The following COL15A1 variants were observed in gnomAD, a reference collection of about 807,000 sequenced individuals.
COL15A1 encodes the protein collagen alpha-1(XV) chain.
In COL15A1, 111 loss-of-function variants were observed where a neutral mutation model predicts 165.9. The ratio of observed to expected loss-of-function variants is 0.67; its 90% CI spans 0.57 to 0.78. COL15A1 has a LOEUF of 0.78. Among genes scored for constraint, COL15A1 ranks in the 30% least tolerant of loss-of-function variants. The probability of loss-of-function intolerance (pLI) is 0.00; values close to 1 mark genes in which losing one functional copy is unlikely to be tolerated. For missense variants in COL15A1, 1,745 were observed against 1,789.7 expected (o/e 0.98, Z 0.45); for synonymous variants, 659 against 674.8 (o/e 0.98, Z 0.36).
In COL15A1 at chr9:98,987,278, C is replaced by T. The variant is rs370493621; in HGVS notation, c.649-16C>T. On this transcript the variant is annotated splice_polypyrimidine_tract_variant and intron_variant, in intron 3 of 41. Coordinates refer to ENST00000375001, the MANE Select transcript of COL15A1 (RefSeq NM_001855.5). ...TACGTGCAAACCGTGGCTTCTGATC[C>T]GTCTCTTTTCCCCAGGGCTCCCTCC... is the stretch of plus-strand genomic sequence containing the variant. 160 of 1,611,616 alleles carry T rather than the reference C, an allele frequency of 9.9e-5. No homozygotes were observed. Among genetic ancestry groups the T allele is most frequent in the African/African-American group, 1.2e-4 (9 of 74,796 alleles).
chr9:99,011,026 A>G (rs1838840314), intron 9 of COL15A1, among the ~76,000 whole-genome samples: 1 of 152,218 alleles, frequency 6.6e-6, no homozygotes, highest in South Asian at 2.1e-4. Context: ...ACCAGAGGAA[A>G]AAAAATCTTA....
Position 98,985,861 on chromosome 9 carries a change from C to A in COL15A1, c.397C>A (p.Arg133=), listed in dbSNP as rs200391843. The A allele has an allele frequency of 1.1e-4, 184 of 1,613,728 alleles. 3 individuals are homozygous for A. The Admixed American group carries it at 3.0e-3, about 26-fold the overall frequency. ...RLSGVEDGHQ[R]IILYYTEPGS... ...CTCAGGTGTGGAGGACGGCCACCAGCGGATCATCCTCTACTACACGGAGCC... is the reference window on the plus strand; with the variant it reads ...CTCAGGTGTGGAGGACGGCCACCAGAGGATCATCCTCTACTACACGGAGCC... The change falls in exon 3 of 42, where the codon CGG becomes AGG. Residue 133 remains arginine (R), a synonymous_variant. Coordinates refer to ENST00000375001, the MANE Select transcript of COL15A1 (RefSeq NM_001855.5).
At position 99,004,995 on chromosome 9, in the gene COL15A1, C is replaced by T. The variant is rs147872746; in HGVS notation, c.1298C>T (p.Pro433Leu). ...GAAGTGGAGGCCAGTGGTGTGGCCC[C>T]CGGGGAGCTGGACCTCTCCATGTCC... ...PGEVEASGVAPGELDLSMSAQ... is the reference protein window; with the variant it reads ...PGEVEASGVALGELDLSMSAQ... The change falls in exon 9 of 42, where the codon CCC becomes CTC. Residue 433 changes from proline (P) to leucine (L), a missense_variant. Coordinates refer to ENST00000375001, the MANE Select transcript of COL15A1 (RefSeq NM_001855.5). 21 of 1,613,728 alleles carry T rather than the reference C, an allele frequency of 1.3e-5. No individual in the cohort carries two copies. Among genetic ancestry groups the T allele is most frequent in the Middle Eastern group, 1.6e-4 (1 of 6,078 alleles).
chr9:99,069,835 G>C lies in COL15A1; in HGVS notation c.4116G>C (p.Arg1372=). 6.2e-7 allele frequency: 1 copy of C among 1,614,150 alleles called. No homozygotes were observed. The highest frequency in any genetic ancestry group is 8.5e-7 in the Non-Finnish European group (1 of 1,179,970). The part of the protein sequence containing the change: ...LDQKAYSCAN[R]LIVLCIENSF... ...AGAAAGCATACAGCTGTGCTAATCG[G>C]CTAATTGTCCTATGTATCGAAAACA... The change falls in exon 42 of 42, where the codon CGG becomes CGC. Residue 1372 remains arginine, a synonymous_variant. Coordinates refer to ENST00000375001, the MANE Select transcript of COL15A1 (RefSeq NM_001855.5).
In COL15A1 at chr9:99,055,280, G is replaced by A. The variant is rs765197360; in HGVS notation, c.3100G>A (p.Gly1034Arg). The change falls in exon 34 of 42, where the codon GGG (glycine) becomes AGG (arginine). Residue 1034 changes from glycine (G) to arginine (R), a missense_variant. Physicochemically the swap from Gly to Arg is moderately radical, Grantham distance 125. Coordinates refer to ENST00000375001, the MANE Select transcript of COL15A1 (RefSeq NM_001855.5). ...CTTCCAGGGGGAGAATGGAGACAAG[G>A]GGTTCAAAGGTGAAAAAGGAGAAAA... ...NNLKGENGDKGFKGEKGEKGD... is the reference protein window; with the variant it reads ...NNLKGENGDKRFKGEKGEKGD... 12 of 1,612,910 alleles carry A rather than the reference G, an allele frequency of 7.4e-6. No homozygotes were observed. Among genetic ancestry groups the A allele is most frequent in the Non-Finnish European group, 1.0e-5 (12 of 1,179,008 alleles).
chr9:99,006,533 G>A (rs1838765518), intron 9 of COL15A1, among the ~76,000 whole-genome samples: 1 of 152,206 alleles, frequency 6.6e-6, no homozygotes, highest in African/African-American at 2.4e-5. Flanking sequence ...TGTGGCTGGG[G>A]GTGGAGGTGG....
At chr9:99,002,676 G>GT (rs1176986542) in intron 7 of COL15A1, among the ~76,000 whole-genome samples, 2 of 152,170 alleles carry the variant, frequency 1.3e-5, no homozygotes, top group Admixed American at 6.5e-5. Flanking sequence ...TCCTCTAACT[G>GT]TTTTTTGAGA....
chr9:99,045,676 G>A (rs918146252), intron 26 of COL15A1, among the ~76,000 whole-genome samples: 1 of 152,230 alleles, frequency 6.6e-6, no homozygotes, highest in Non-Finnish European at 1.5e-5. Flanking sequence ...AAGGCCCAAG[G>A]AGGTTAAGTA....
intron 6 of COL15A1, among the ~76,000 whole-genome samples, chr9:98,999,647 C>CAGCT: frequency 6.6e-6 from 1 of 151,362 alleles, no homozygotes; most frequent in South Asian, 2.1e-4. Context: ...GGCTCCTGAG[C>CAGCT]AGCTGGGTCT....
chr9:98,946,513 C>T (rs1010572015), intron 2 of COL15A1, among the ~76,000 whole-genome samples: 9 of 152,186 alleles, frequency 5.9e-5, no homozygotes, highest in African/African-American at 2.2e-4. Flanking sequence ...GGAATCACCA[C>T]CCAGCAGTGC....
intron 24 of COL15A1, among the ~76,000 whole-genome samples, chr9:99,042,975 A>T (rs953268357): frequency 5.3e-5 from 8 of 152,112 alleles, no homozygotes; most frequent in East Asian, 3.9e-4. Context: ...AGGCGTAGGG[A>T]TATAGAAATA....
chr9:98,987,449 G>T, intron 4 of COL15A1, 81 bp downstream of exon 4: 1 of 1,339,958 alleles, frequency 7.5e-7, no homozygotes, highest in Non-Finnish European at 1.0e-6. Flanking sequence ...CCAGACAGTG[G>T]CGTGGAGTTT....
intron 2 of COL15A1, among the ~76,000 whole-genome samples, chr9:98,983,783 A>G (rs1833127169): frequency 1.3e-5 from 2 of 152,218 alleles, no homozygotes; most frequent in Non-Finnish European, 2.9e-5. Flanking sequence ...TCATTTAGTC[A>G]TTCTTTTGGA....
At chr9:99,047,364 C>T (rs112331520) in intron 26 of COL15A1, among the ~76,000 whole-genome samples, 62 of 152,012 alleles carry the variant, frequency 4.1e-4, no homozygotes, top group African/African-American at 1.4e-3. Context: ...GCCTGAGGGG[C>T]GAGGCAGGGC....
intron 38 of COL15A1, among the ~76,000 whole-genome samples, chr9:99,062,657 T>G (rs1211281026): frequency 2.6e-5 from 4 of 152,204 alleles, no homozygotes; most frequent in Non-Finnish European, 4.4e-5. Context: ...CATAAGAACA[T>G]GGGCAACTGG....
intron 2 of COL15A1, among the ~76,000 whole-genome samples, chr9:98,971,648 T>C (rs1020699970): frequency 6.6e-6 from 1 of 152,232 alleles, no homozygotes; most frequent in Non-Finnish European, 1.5e-5. Context: ...AGACCCCCAC[T>C]GCAGCAAGAC....
intron 9 of COL15A1, among the ~76,000 whole-genome samples, chr9:99,006,715 CTAGG>C (rs1838769336): frequency 6.6e-6 from 1 of 152,082 alleles, no homozygotes; most frequent in African/African-American, 2.4e-5. Context: ...TCTTTAATGT[CTAGG>C]CACTTACGAC....
chr9:98,971,232 T>C (rs988226649), intron 2 of COL15A1, among the ~76,000 whole-genome samples: 4 of 152,132 alleles, frequency 2.6e-5, no homozygotes, highest in Admixed American at 1.3e-4. Context: ...AGAGCATCCA[T>C]GTCCAGCAGG....
At chr9:98,959,243 A>AAC (rs1011350504) in intron 2 of COL15A1, among the ~76,000 whole-genome samples, 5 of 151,256 alleles carry the variant, frequency 3.3e-5, no homozygotes, top group African/African-American at 9.7e-5. Flanking sequence ...AAAAAAAAAA[A>AAC]AAAACTAAAA....
Sources: gnomAD v4.1 joint callset for allele counts (sites outside exome capture counted in the v4.1 genomes callset) on GRCh38, gnomAD v4.1.1 for gene constraint, MANE v1.5 for transcripts, NCBI Gene and HGNC (gene_info 2026-07-23, HGNC 2026-07-21) for gene names.